Variants in TRPM5 observed in about 807,000 individuals in gnomAD.
TRPM5 encodes transient receptor potential cation channel subfamily M member 5, also known as MLSN1 and TRP-related.
TRPM5 carries 121 observed loss-of-function variants against 124.9 expected under a neutral mutation model. That is an observed-to-expected ratio of 0.97 (90% CI 0.84 to 1.13). The LOEUF (loss-of-function observed/expected upper bound fraction) is 1.13, where lower values mean the gene tolerates loss of function less well. TRPM5 is among the 50% of genes most tolerant of loss of function. TRPM5 has a pLI of 0.00. For synonymous variants in TRPM5, 781 were observed against 700.5 expected (o/e 1.11, Z -1.81); for missense variants, 1,643 against 1,589.1 (o/e 1.03, Z -0.58).
rs1189760576 is a variant in TRPM5 at position 2,412,740 on chromosome 11, G to C, written c.2355+14C>G. 6.3e-7 allele frequency: 1 copy of C among 1,579,178 alleles called. No individual in the cohort carries two copies. On this transcript the variant is annotated intron_variant, in intron 15 of 23. Coordinates refer to ENST00000155858, the Ensembl canonical transcript of TRPM5. ...TGCAGAGTGGAGGGGACCTAGGCTA[G>C]TGTGGCCACCGACCTGCCGGATTTC... is the stretch of plus-strand genomic sequence containing the variant.
the TRPM5 span, among the ~76,000 whole-genome samples, chr11:2,434,461 A>G: frequency 7.3e-6 from 1 of 136,096 alleles, no homozygotes; most frequent in African/African-American, 2.8e-5. Flanking sequence ...GTGTGTGTGG[A>G]CACTGTGTGA....
chr11:2,412,921 C>A (rs1043244168), exon 15 of TRPM5: 3 of 1,599,172 alleles, frequency 1.9e-6, no homozygotes, highest in Admixed American at 3.5e-5. Flanking sequence ...GTCACGGGAG[C>A]GCCCCAGAAT....
exon 10 of TRPM5, chr11:2,415,041 C>T: frequency 1.2e-6 from 2 of 1,601,390 alleles, no homozygotes; most frequent in South Asian, 1.1e-5. Flanking sequence ...TTGGCCGGGC[C>T]CTTCTCCTGG....
chr11:2,405,388 G>A (rs1240586533), intron 23 of TRPM5, 139 bp downstream of exon 28: 1 of 874,198 alleles, frequency 1.1e-6, no homozygotes, highest in Non-Finnish European at 1.8e-6. Context: ...ACCCTGAAGA[G>A]CCGCGTCCAG....
upstream of TRPM5, among the ~76,000 whole-genome samples, chr11:2,425,509 G>T (rs187278167): frequency 1.3e-5 from 2 of 152,156 alleles, no homozygotes; most frequent in East Asian, 3.8e-4. Context: ...TCCAAACGAG[G>T]TCATATTCTA....
At chr11:2,441,753 G>A in the TRPM5 span, among the ~76,000 whole-genome samples, 2 of 151,930 alleles carry the variant, frequency 1.3e-5, no homozygotes, top group African/African-American at 2.4e-5. The surrounding 1 kb of genome is among the most constrained non-coding windows in gnomAD (Gnocchi z 7.2). Flanking sequence ...GCAGTGGTGC[G>A]ATCTCAGCTC....
At chr11:2,426,593 C>T (rs369743545), upstream of TRPM5, among the ~76,000 whole-genome samples, 14 of 152,224 alleles carry the variant, frequency 9.2e-5, no homozygotes, top group South Asian at 4.1e-4. Context: ...CACCTGTAGC[C>T]GCAGCCAAGA....
the TRPM5 span, among the ~76,000 whole-genome samples, chr11:2,432,047 A>G: frequency 1.0e-3 from 155 of 152,120 alleles, no homozygotes; most frequent in Non-Finnish European, 1.4e-3. Context: ...TGTCTAGGGG[A>G]GGCTGCATTT....
chr11:2,405,703 T>G lies in TRPM5; in HGVS notation c.3325-110A>C. ...GCCAGGGCCCCCGCTGCCCTGTGAC[T>G]CCTCCCTCTGAGAGCTGCCGCTCAC... On this transcript the variant is annotated intron_variant, in intron 22 of 23. Transcript: ENST00000155858. The G allele has an allele frequency of 4.9e-6, 6 of 1,222,972 alleles. No individual in the cohort carries two copies. The African/African-American group carries it at 7.5e-5, about 15-fold the overall frequency. 75.8% of individuals were successfully genotyped at this position (1,222,972 alleles called of 1,614,324 possible).
chr11:2,414,009 G>GGGGGGGGCCCCCCCCCCCCCCCCC, intron 12 of TRPM5, 52 bp downstream of exon 17: 3 of 1,023,708 alleles, frequency 2.9e-6, no homozygotes, highest in East Asian at 5.7e-5. Flanking sequence ...GGCCCAGCTC[G>GGGGGGGGCCCCCCCCCCCCCCCCC]CCCGCCCACC....
At chr11:2,414,008 C>CGGGGCG in intron 12 of TRPM5, 53 bp downstream of exon 17, 3 of 1,038,780 alleles carry the variant, frequency 2.9e-6, no homozygotes, top group East Asian at 2.8e-5. Flanking sequence ...GGGCCCAGCT[C>CGGGGCG]GCCCGCCCAC....
At chr11:2,419,099 G>A (rs1317411554) in intron 4 of TRPM5, among the ~76,000 whole-genome samples, 1 of 152,176 alleles carries the variant, frequency 6.6e-6, no homozygotes, top group Non-Finnish European at 1.5e-5. Flanking sequence ...TCTTCTGTGA[G>A]GGAGTGAACT....
At chr11:2,423,558 C>T (rs973457942), upstream of TRPM5, among the ~76,000 whole-genome samples, 1 of 152,144 alleles carries the variant, frequency 6.6e-6, no homozygotes, top group Non-Finnish European at 1.5e-5. Context: ...GTGCAGGAGG[C>T]GGTGTGGACG....
rs959509072 is a variant in TRPM5 at position 2,412,670 on chromosome 11, C to T, written c.2355+84G>A. On this transcript the variant is annotated intron_variant, in intron 15 of 23. Transcript: ENST00000155858. ...TTCTTGTTTTACAGTTGGGGAGCCC[C>T]ACCCTGCGAGGGCAGGACCCAGCTT... 5 of 1,401,080 alleles carry T rather than the reference C, an allele frequency of 3.6e-6. No individual in the cohort carries two copies. The African/African-American group carries it at 5.8e-5, about 16-fold the overall frequency. 86.8% of individuals were successfully genotyped at this position (1,401,080 alleles called of 1,614,324 possible).
intron 7 of TRPM5, among the ~76,000 whole-genome samples, chr11:2,416,609 C>T (rs975704405): frequency 6.6e-6 from 1 of 152,114 alleles, no homozygotes. Flanking sequence ...TGAGAAGAGG[C>T]GGGGGAGTTC....
chr11:2,424,427 C>G (rs184312438), upstream of TRPM5, among the ~76,000 whole-genome samples: 68 of 152,358 alleles, frequency 4.5e-4, no homozygotes, highest in African/African-American at 1.5e-3. Flanking sequence ...AAGTCCCAAA[C>G]CCCAGGACCT....
At chr11:2,424,297 T>G (rs1845816622), upstream of TRPM5, among the ~76,000 whole-genome samples, 1 of 152,042 alleles carries the variant, frequency 6.6e-6, no homozygotes, top group Non-Finnish European at 1.5e-5. Flanking sequence ...ACTTCAGAGA[T>G]GAGAGGGAGT....
intron 6 of TRPM5, 106 bp downstream of exon 11, chr11:2,418,061 G>C: frequency 8.8e-7 from 1 of 1,132,484 alleles, no homozygotes; most frequent in Non-Finnish European, 1.2e-6. Flanking sequence ...CCAGCAGCCT[G>C]AGGTGGGAGG....
chr11:2,415,160 G>T, exon 9 of TRPM5: 1 of 1,579,848 alleles, frequency 6.3e-7, no homozygotes. Context: ...CCTGGTAGAA[G>T]CCTCGGCAGG....
Sources: gnomAD v4.1 joint callset for allele counts (sites outside exome capture counted in the v4.1 genomes callset) on GRCh38, gnomAD v4.1.1 for gene constraint, Gnocchi (gnomAD v3.1) non-coding constraint, MANE v1.5 for transcripts, NCBI Gene and HGNC (gene_info 2026-07-23, HGNC 2026-07-21) for gene names.